The following CNTLN variants were observed in gnomAD, a reference collection of about 807,000 sequenced individuals.
CNTLN encodes centlein, centrosomal protein.
A neutral mutation model predicts 180.0 loss-of-function variants in CNTLN; 212 were observed. The ratio of observed to expected loss-of-function variants is 1.18; its 90% CI spans 1.05 to 1.32. The LOEUF (loss-of-function observed/expected upper bound fraction) is 1.32, where lower values mean the gene tolerates loss of function less well. Ranked by LOEUF, CNTLN falls within the 40% of genes most tolerant of loss-of-function variation. The pLI is 0.00. For missense variants in CNTLN, 2,095 were observed against 1,610.9 expected (o/e 1.30, Z -5.14); for synonymous variants, 722 against 563.1 (o/e 1.28, Z -3.99).
intron 15 of CNTLN, among the ~76,000 whole-genome samples, 195 bp downstream of exon 15, chr9:17,395,264 T>A (rs2133732244): frequency 6.6e-6 from 1 of 152,320 alleles, no homozygotes; most frequent in South Asian, 2.1e-4. Flanking sequence ...CACAACTGCA[T>A]GAGTACTTGA....
intron 2 of CNTLN, among the ~76,000 whole-genome samples, chr9:17,219,234 C>CTT (rs138009140): frequency 7.2e-5 from 10 of 138,562 alleles, no homozygotes; most frequent in African/African-American, 2.8e-4. Flanking sequence ...CTGGCAGTGT[C>CTT]TTTTTTTTTC....
At chr9:17,247,436 C>T (rs868128494) in intron 5 of CNTLN, among the ~76,000 whole-genome samples, 1 of 152,204 alleles carries the variant, frequency 6.6e-6, no homozygotes, top group Non-Finnish European at 1.5e-5. Context: ...CAAAGTTCCA[C>T]AGTCCCTGTG....
At chr9:17,335,169 G>A (rs1052603034) in intron 10 of CNTLN, among the ~76,000 whole-genome samples, 2 of 152,176 alleles carry the variant, frequency 1.3e-5, no homozygotes, top group East Asian at 1.9e-4. Flanking sequence ...TGGGGTTCAT[G>A]CTTTTAGTTC....
intron 6 of CNTLN, among the ~76,000 whole-genome samples, chr9:17,283,987 A>G (rs1378840599): frequency 6.6e-6 from 1 of 151,712 alleles, no homozygotes; most frequent in Middle Eastern, 3.2e-3. Context: ...GTGCTGCTGT[A>G]TTCAGTTTGC....
intron 21 of CNTLN, among the ~76,000 whole-genome samples, chr9:17,465,378 A>G (rs140654736): frequency 0.028 from 4,279 of 150,706 alleles, 97 homozygotes; most frequent in South Asian, 0.12. Flanking sequence ...AGGCTTTTTC[A>G]ATGTTATCCT....
chr9:17,204,669 G>A (rs573718050), intron 2 of CNTLN, among the ~76,000 whole-genome samples: 1 of 152,282 alleles, frequency 6.6e-6, no homozygotes, highest in African/African-American at 2.4e-5. Context: ...ATTTGAGAAG[G>A]CAGTCTTTCC....
At chr9:17,465,895 C>A in intron 21 of CNTLN, 86 bp from the exon 22 acceptor site, 1 of 968,566 alleles carries the variant, frequency 1.0e-6, no homozygotes, top group Non-Finnish European at 1.5e-6. Context: ...TAGACTCATT[C>A]ACTCATTTAG....
chr9:17,243,772 T>C (rs1825633628), intron 5 of CNTLN, among the ~76,000 whole-genome samples: 1 of 152,204 alleles, frequency 6.6e-6, no homozygotes, highest in Non-Finnish European at 1.5e-5. Context: ...AGGAAAGGAA[T>C]GTGTATTTCG....
At chr9:17,419,329 A>C (rs12003697) in intron 18 of CNTLN, among the ~76,000 whole-genome samples, 4,519 of 152,236 alleles carry the variant, frequency 0.03, 216 homozygotes, top group African/African-American at 0.1. Context: ...CTATAGATGG[A>C]ATATATAAAT....
intron 2 of CNTLN, among the ~76,000 whole-genome samples, chr9:17,192,209 T>C (rs1013649700): frequency 6.6e-6 from 1 of 152,010 alleles, no homozygotes; most frequent in Admixed American, 6.6e-5. Flanking sequence ...GACTGAATTC[T>C]TGCAGTAGCC....
At position 17,403,569 on chromosome 9, in the gene CNTLN, A is replaced by G. The variant is rs369496344; in HGVS notation, c.2616-5724A>G. Among the ~76,000 whole-genome samples, 12 of 148,216 alleles carry G rather than the reference A, an allele frequency of 8.1e-5. No homozygotes were observed. The East Asian group carries it at 1.4e-3, about 17-fold the overall frequency. The stretch of plus-strand genomic sequence containing the variant: ...AATTTTTTTTTTTTACAGTAGTTTT[A>G]AGTATTTTAGGTATGGTTTTGTCTA... On this transcript the variant is annotated intron_variant, in intron 15 of 25. Transcript: ENST00000380647.
chr9:17,221,445 T>C lies in CNTLN; in HGVS notation c.450-4758T>C, dbSNP rs1250200533. Among the ~76,000 whole-genome samples the C allele has an allele frequency of 2.0e-5, 3 of 152,106 alleles. No individual in the cohort carries two copies. The East Asian group carries it at 5.8e-4, about 29-fold the overall frequency. ...CCTAGTTGTACATAATGGATTGCAA[T>C]TATGTATTAAATGTACTATTAACGT... On this transcript the variant is annotated intron_variant, in intron 2 of 25. Coordinates refer to ENST00000380647, the MANE Select transcript of CNTLN (RefSeq NM_017738.4).
chr9:17,493,298 G>C (rs1481767368), intron 25 of CNTLN, among the ~76,000 whole-genome samples: 1 of 151,936 alleles, frequency 6.6e-6, no homozygotes. Flanking sequence ...AATATATGTG[G>C]GGACACAGGT....
chr9:17,212,975 A>G (rs959850916), intron 2 of CNTLN, among the ~76,000 whole-genome samples: 3 of 151,936 alleles, frequency 2.0e-5, no homozygotes, highest in African/African-American at 4.8e-5. Flanking sequence ...CTAGCGGTCT[A>G]TCAATTTTGT....
At chr9:17,285,266 G>C (rs892839472) in intron 6 of CNTLN, among the ~76,000 whole-genome samples, 3 of 148,616 alleles carry the variant, frequency 2.0e-5, no homozygotes, top group African/African-American at 5.0e-5. Context: ...TTGGTTTTTT[G>C]TTCTTGTGAT....
intron 5 of CNTLN, among the ~76,000 whole-genome samples, chr9:17,263,266 C>T (rs1446836350): frequency 1.5e-5 from 2 of 136,986 alleles, no homozygotes; most frequent in Non-Finnish European, 3.0e-5. Context: ...TTGTTCAATT[C>T]CCACCAGTGA....
intron 18 of CNTLN, among the ~76,000 whole-genome samples, chr9:17,435,644 T>A (rs1829727241): frequency 6.6e-6 from 1 of 151,500 alleles, no homozygotes; most frequent in Non-Finnish European, 1.5e-5. Context: ...CACTGCAGCC[T>A]CTGTCCACCC....
chr9:17,198,993 T>C (rs1339151166), intron 2 of CNTLN, among the ~76,000 whole-genome samples: 1 of 152,158 alleles, frequency 6.6e-6, no homozygotes, highest in African/African-American at 2.4e-5. Context: ...TAAACATACA[T>C]GTGCATGTGT....
At chr9:17,471,638 A>G (rs1387015182) in intron 23 of CNTLN, among the ~76,000 whole-genome samples, 1 of 152,090 alleles carries the variant, frequency 6.6e-6, no homozygotes, top group Non-Finnish European at 1.5e-5. Context: ...ATGGATCATT[A>G]TTCCACTGAT....
Sources: allele counts gnomAD v4.1 joint callset (sites outside exome capture counted in the v4.1 genomes callset), GRCh38; gene constraint gnomAD v4.1.1; transcripts MANE v1.5; gene names NCBI Gene and HGNC (gene_info 2026-07-23, HGNC 2026-07-21).